KIF5A: variants seen among roughly 807,000 people sequenced by gnomAD.
KIF5A encodes the protein kinesin family member 5A.
A neutral mutation model predicts 141.3 loss-of-function variants in KIF5A; 35 were observed. That is an observed-to-expected ratio of 0.25 (90% CI 0.19 to 0.33). KIF5A has a LOEUF of 0.33. Ranked by LOEUF, KIF5A falls within the 10% of genes least tolerant of loss-of-function variation. The probability of loss-of-function intolerance (pLI) is 1.00; values close to 1 mark genes in which losing one functional copy is unlikely to be tolerated. For missense variants in KIF5A, 861 were observed against 1,314.3 expected, an observed-to-expected ratio of 0.66 and a Z score of 5.33; for synonymous variants, 448 against 500.2, an observed-to-expected ratio of 0.90 and a Z score of 1.39.
intron 1 of KIF5A, among the ~76,000 whole-genome samples, chr12:57,552,102 T>C (rs188096006): frequency 1.1e-4 from 16 of 152,052 alleles, no homozygotes; most frequent in Admixed American, 4.6e-4. Context: ...GTTGTGAGAG[T>C]TGGAGCTTCA....
chr12:57,554,212 G>A (rs1275312906), intron 1 of KIF5A, among the ~76,000 whole-genome samples: 1 of 152,114 alleles, frequency 6.6e-6, no homozygotes, highest in Non-Finnish European at 1.5e-5. Flanking sequence ...ATTTGAAACT[G>A]TGCTCTACCA....
chr12:57,553,348 GA>G (rs898469290), intron 1 of KIF5A, among the ~76,000 whole-genome samples: 7 of 152,172 alleles, frequency 4.6e-5, no homozygotes, highest in Non-Finnish European at 8.8e-5. Context: ...CTTAATGCAA[GA>G]AACTAGGACC....
At chr12:57,558,412 A>T (rs1881810462) in intron 1 of KIF5A, among the ~76,000 whole-genome samples, 1 of 152,048 alleles carries the variant, frequency 6.6e-6, no homozygotes, top group African/African-American at 2.4e-5. Flanking sequence ...GCGGTGGCTT[A>T]CGCCTGTAAT....
At chr12:57,570,187 G>A in intron 12 of KIF5A, 25 bp downstream of exon 12, 1 of 1,610,568 alleles carries the variant, frequency 6.2e-7, no homozygotes. Flanking sequence ...GCAGGGCACT[G>A]AGGCACGCCA....
intron 1 of KIF5A, among the ~76,000 whole-genome samples, chr12:57,553,696 C>A (rs541268598): frequency 6.6e-6 from 1 of 152,262 alleles, no homozygotes; most frequent in Middle Eastern, 3.4e-3. Flanking sequence ...CAATTAGCTT[C>A]AGTCAGCACA....
At chr12:57,579,862 A>T (rs1882541730) in intron 23 of KIF5A, among the ~76,000 whole-genome samples, 1 of 152,178 alleles carries the variant, frequency 6.6e-6, no homozygotes, top group Non-Finnish European at 1.5e-5. Flanking sequence ...TGTTTCCTTT[A>T]TCGTCACTGA....
Position 57,570,142 on chromosome 12 carries a change from T to A in KIF5A, c.1273T>A (p.Tyr425Asn), listed in dbSNP as rs1192349908. Residue 425 changes from tyrosine (Y) to asparagine (N), a missense_variant, in exon 12 of 29, where the codon TAT (tyrosine) becomes AAT (asparagine). Around this residue, in one of 5 missense-constraint regions of KIF5A, gnomAD observed 167 missense variants for 192.0 expected, o/e 0.87. Coordinates refer to ENST00000455537, the MANE Select transcript of KIF5A (RefSeq NM_004984.4). ...ATACGAGGAGGAGATCCGCCGTCTC[T>A]ATAAGCAGCTTGACGACAAGGTGAG... ...QKYEEEIRRL[Y>N]KQLDDKDDEI... 6.2e-7 allele frequency: 1 copy of A among 1,613,762 alleles called. No individual in the cohort carries two copies. Among genetic ancestry groups the A allele is most frequent in the Non-Finnish European group, 8.5e-7 (1 of 1,180,006 alleles).
At position 57,574,358 on chromosome 12, in the gene KIF5A, C is replaced by T. The variant is rs533179563; in HGVS notation, c.1717-726C>T. Among the ~76,000 whole-genome samples the T allele has an allele frequency of 2.7e-3, 400 of 150,798 alleles. 1 individual carries two copies. Among genetic ancestry groups the T allele is most frequent in the Non-Finnish European group, 4.8e-3 (327 of 67,728 alleles). ...TGTGATCTCAGCTCACTGCAACCTCCGCCTCCCAGGTTCAAGCAATTCTTC... is the reference window on the plus strand; with the variant it reads ...TGTGATCTCAGCTCACTGCAACCTCTGCCTCCCAGGTTCAAGCAATTCTTC... On this transcript the variant is annotated intron_variant, in intron 15 of 28. Coordinates refer to ENST00000455537, the MANE Select transcript of KIF5A (RefSeq NM_004984.4).
chr12:57,559,214 T>C (rs1881837110), intron 1 of KIF5A, among the ~76,000 whole-genome samples: 1 of 152,248 alleles, frequency 6.6e-6, no homozygotes, highest in African/African-American at 2.4e-5. Flanking sequence ...GTGCAGTATG[T>C]CTACAGGATA....
chr12:57,562,746 A>T (rs1881947244), intron 1 of KIF5A, among the ~76,000 whole-genome samples: 1 of 152,104 alleles, frequency 6.6e-6, no homozygotes, highest in South Asian at 2.1e-4. Context: ...GGGTACGTGG[A>T]TCTGTTGAGG....
At position 57,586,345 on chromosome 12, in the gene KIF5A, A is replaced by C. The variant is rs1205321687; in HGVS notation, c.*2164A>C. 6.6e-6 allele frequency: 1 copy of C among 152,274 alleles called. No individual in the cohort carries two copies. Among genetic ancestry groups the C allele is most frequent in the Non-Finnish European group, 1.5e-5 (1 of 68,038 alleles). The allele number at this position is 152,274 out of a possible 1,614,324, so 9.4% of individuals were successfully genotyped here. A position where few individuals can be genotyped will look rare whatever the true frequency, so the allele number is the denominator to read the frequency against. The stretch of plus-strand genomic sequence containing the variant: ...ACACAGAGGGAGCAGCCTTCTCTTT[A>C]GCAAGATGTAAGGGAAATATAATTC... On this transcript the variant is annotated 3_prime_UTR_variant, in exon 29 of 29. Transcript: ENST00000455537.
chr12:57,583,036 G>T, intron 27 of KIF5A, 65 bp from the exon 28 acceptor site: 1 of 1,313,284 alleles, frequency 7.6e-7, no homozygotes, highest in Non-Finnish European at 1.1e-6. Context: ...TCAGAGCAGA[G>T]TAACCATGAT....
chr12:57,576,428 GC>G (rs768102843), intron 19 of KIF5A, 50 bp downstream of exon 19: 1 of 1,400,490 alleles, frequency 7.1e-7, no homozygotes, highest in African/African-American at 1.4e-5. Flanking sequence ...CTGTCACCTT[GC>G]TGTATTGACT....
At chr12:57,558,712 A>T (rs1665488884) in intron 1 of KIF5A, among the ~76,000 whole-genome samples, 1 of 152,164 alleles carries the variant, frequency 6.6e-6, no homozygotes, top group Non-Finnish European at 1.5e-5. Flanking sequence ...AAAAAACCCA[A>T]AACAAAACAG....
chr12:57,582,088 A>C, intron 26 of KIF5A, 136 bp downstream of exon 26: 1 of 746,698 alleles, frequency 1.3e-6, no homozygotes. Flanking sequence ...TAAAAAAAAA[A>C]ATACATATAG....
At chr12:57,565,621 ATTTTTTT>A (rs398019767) in intron 6 of KIF5A, among the ~76,000 whole-genome samples, 1 of 128,394 alleles carries the variant, frequency 7.8e-6, no homozygotes. Flanking sequence ...ATTTAATCTA[ATTTTTTT>A]TTTTTTTTTT....
rs371727146 is a variant in KIF5A, at chr12:57,567,661, C to CT, written c.714+60dup. On this transcript the variant is annotated intron_variant, in intron 8 of 28. Transcript: ENST00000455537. ...TATGGGGTGGGTGGAAGCCTTGGCT[C>CT]TTTTTTTTTTTTTTTTTGAGACAGA... 0.085 allele frequency: 109,508 copies of CT among 1,282,788 alleles called. 7 individuals are homozygous for CT. Among genetic ancestry groups the CT allele is most frequent in the Non-Finnish European group, 0.094 (91,113 of 973,434 alleles). The allele number at this position is 1,282,788 out of a possible 1,614,324, so 79.5% of individuals were successfully genotyped here.
chr12:57,566,694 C>T (rs1186480444), intron 6 of KIF5A, among the ~76,000 whole-genome samples: 2 of 151,252 alleles, frequency 1.3e-5, no homozygotes, highest in African/African-American at 4.8e-5. Context: ...GGATTACAGG[C>T]GTGAGCCACC....
chr12:57,565,779 C>T (rs1300105437), intron 6 of KIF5A, among the ~76,000 whole-genome samples: 2 of 151,536 alleles, frequency 1.3e-5, no homozygotes, highest in Non-Finnish European at 1.5e-5. Context: ...CATGTGCCAC[C>T]ACGCCTGGCT....
Sources: gnomAD v4.1 joint callset for allele counts (sites outside exome capture counted in the v4.1 genomes callset) on GRCh38, gnomAD v4.1.1 for gene constraint, gnomAD v4.1.1 regional missense constraint, MANE v1.5 for transcripts, NCBI Gene and HGNC (gene_info 2026-07-23, HGNC 2026-07-21) for gene names.